AGBL4: variants seen among roughly 807,000 people sequenced by gnomAD.
AGBL4 encodes the protein AGBL carboxypeptidase 4.
A neutral mutation model predicts 66.4 loss-of-function variants in AGBL4; 58 were observed. That is an observed-to-expected ratio of 0.87 (90% CI 0.71 to 1.09). The LOEUF is 1.09. Among genes scored for constraint, AGBL4 ranks in the 50% least tolerant of loss-of-function variants. AGBL4 has a pLI of 0.00. For missense variants in AGBL4, 579 were observed against 631.0 expected (o/e 0.92, Z 0.88); for synonymous variants, 234 against 222.9 (o/e 1.05, Z -0.44).
At chr1:49,250,394 C>A (rs1651952962) in intron 3 of AGBL4, among the ~76,000 whole-genome samples, 1 of 150,064 alleles carries the variant, frequency 6.7e-6, no homozygotes, top group Non-Finnish European at 1.5e-5. Flanking sequence ...ACAAACTGGG[C>A]TGAAGGGAGA....
intron 2 of AGBL4, among the ~76,000 whole-genome samples, chr1:49,707,644 G>A (rs1218984100): frequency 6.6e-6 from 1 of 152,050 alleles, no homozygotes; most frequent in African/African-American, 2.4e-5. Context: ...TTTCTTCATA[G>A]TGTCGATGGT....
intron 3 of AGBL4, among the ~76,000 whole-genome samples, chr1:49,517,887 T>C (rs541593942): frequency 2.0e-4 from 30 of 152,218 alleles, no homozygotes; most frequent in African/African-American, 6.7e-4. Context: ...CAATCTAATA[T>C]TGAATCAGAC....
At chr1:49,633,054 C>T (rs1490880774) in intron 3 of AGBL4, among the ~76,000 whole-genome samples, 1 of 151,708 alleles carries the variant, frequency 6.6e-6, no homozygotes, top group Non-Finnish European at 1.5e-5. Flanking sequence ...AGCCTGGTGA[C>T]AGAGCAAGAC....
intron 3 of AGBL4, among the ~76,000 whole-genome samples, chr1:49,552,801 C>T (rs1263168839): frequency 2.0e-5 from 3 of 152,212 alleles, no homozygotes; most frequent in African/African-American, 7.2e-5. Context: ...CGAGTCAGAG[C>T]TGCAATTTAG....
chr1:49,108,126 C>T (rs758611318), intron 4 of AGBL4, among the ~76,000 whole-genome samples: 13 of 152,180 alleles, frequency 8.5e-5, no homozygotes, highest in Non-Finnish European at 1.6e-4. Flanking sequence ...ACCCTCTGCA[C>T]TGTAAGAACG....
At chr1:50,019,840 T>C (rs1056622307) in intron 1 of AGBL4, among the ~76,000 whole-genome samples, 1 of 152,060 alleles carries the variant, frequency 6.6e-6, no homozygotes, top group Non-Finnish European at 1.5e-5. Flanking sequence ...TACTCCTACA[T>C]GTAATTAACT....
At chr1:49,058,686 G>A (rs769261781) in intron 4 of AGBL4, among the ~76,000 whole-genome samples, 1 of 152,218 alleles carries the variant, frequency 6.6e-6, no homozygotes, top group Non-Finnish European at 1.5e-5. Context: ...AAGAAGACAG[G>A]AAAATGTGGG....
chr1:48,761,995 T>G (rs1157291787), intron 6 of AGBL4, among the ~76,000 whole-genome samples: 1 of 152,086 alleles, frequency 6.6e-6, no homozygotes, highest in Non-Finnish European at 1.5e-5. Context: ...CAGGCTGAGG[T>G]AAGGCAGACG....
intron 1 of AGBL4, among the ~76,000 whole-genome samples, chr1:49,872,653 CA>C (rs1646865950): frequency 6.6e-6 from 1 of 152,018 alleles, no homozygotes; most frequent in South Asian, 2.1e-4. Flanking sequence ...GGTTCCTTAT[CA>C]AAAAGGTTCC....
intron 3 of AGBL4, among the ~76,000 whole-genome samples, chr1:49,359,989 C>T (rs553641710): frequency 3.3e-5 from 5 of 152,182 alleles, no homozygotes; most frequent in East Asian, 1.9e-4. Flanking sequence ...TGATGAGTGT[C>T]GACGTGCACC....
At chr1:49,018,285 C>T (rs1005599198) in intron 5 of AGBL4, among the ~76,000 whole-genome samples, 1 of 152,020 alleles carries the variant, frequency 6.6e-6, no homozygotes, top group African/African-American at 2.4e-5. Flanking sequence ...TGAGGTGAGC[C>T]CCCACATCCT....
At chr1:48,717,869 C>T (rs191187861) in intron 6 of AGBL4, among the ~76,000 whole-genome samples, 9 of 152,292 alleles carry the variant, frequency 5.9e-5, no homozygotes, top group South Asian at 4.1e-4. Context: ...CTCTGGGCTA[C>T]GGTATCTTCA....
intron 2 of AGBL4, among the ~76,000 whole-genome samples, chr1:49,830,763 C>A (rs926894362): frequency 3.8e-4 from 58 of 152,090 alleles, no homozygotes; most frequent in Non-Finnish European, 2.9e-5. Flanking sequence ...AGTCTTTAAT[C>A]CTTCATGAGT....
At chr1:49,662,505 C>G (rs1163714471) in intron 3 of AGBL4, among the ~76,000 whole-genome samples, 1 of 152,000 alleles carries the variant, frequency 6.6e-6, no homozygotes, top group East Asian at 1.9e-4. Context: ...AAGACATATA[C>G]AGTGGAAAAT....
intron 6 of AGBL4, among the ~76,000 whole-genome samples, chr1:48,768,574 A>G (rs1644648253): frequency 6.6e-6 from 1 of 152,202 alleles, no homozygotes; most frequent in Non-Finnish European, 1.5e-5. Context: ...GCAAGTCTGT[A>G]TTCAAAAGTG....
At chr1:49,200,376 T>A (rs144828769) in intron 4 of AGBL4, among the ~76,000 whole-genome samples, 1 of 152,288 alleles carries the variant, frequency 6.6e-6, no homozygotes, top group East Asian at 1.9e-4. Context: ...CCTACATACA[T>A]CAAGGAAGCA....
intron 6 of AGBL4, among the ~76,000 whole-genome samples, chr1:48,780,345 C>T (rs1199467295): frequency 6.6e-6 from 1 of 152,026 alleles, no homozygotes; most frequent in Non-Finnish European, 1.5e-5. Context: ...TGAAAATGGT[C>T]ATATTGCCCA....
intron 3 of AGBL4, among the ~76,000 whole-genome samples, chr1:49,427,831 C>G (rs889295301): frequency 6.6e-6 from 1 of 152,234 alleles, no homozygotes; most frequent in Admixed American, 6.5e-5. Flanking sequence ...CGCCCACATC[C>G]TGCTAATTGG....
intron 4 of AGBL4, among the ~76,000 whole-genome samples, chr1:49,052,184 A>C (rs936134645): frequency 6.6e-6 from 1 of 151,980 alleles, no homozygotes; most frequent in Non-Finnish European, 1.5e-5. Context: ...TTAAAAATAA[A>C]CCCAATTACT....
Sources: allele counts gnomAD v4.1 joint callset (sites outside exome capture counted in the v4.1 genomes callset), GRCh38; gene constraint gnomAD v4.1.1; transcripts MANE v1.5; gene names NCBI Gene and HGNC (gene_info 2026-07-23, HGNC 2026-07-21).